Variants in EPS15 observed in about 807,000 individuals in gnomAD.
EPS15 encodes epidermal growth factor receptor pathway substrate 15, also known as epidermal growth factor receptor substrate 15.
In EPS15, 72 loss-of-function variants were observed where a neutral mutation model predicts 113.8. That is an observed-to-expected ratio of 0.63 (90% CI 0.52 to 0.77). The LOEUF (loss-of-function observed/expected upper bound fraction) is 0.77. EPS15 is among the 30% of genes least tolerant of loss of function. The pLI, the probability that EPS15 is intolerant of heterozygous loss-of-function variation, is 0.00. For missense variants in EPS15, 1,048 were observed against 1,045.8 expected (o/e 1.00, Z -0.03); for synonymous variants, 344 against 363.4 (o/e 0.95, Z 0.61).
chr1:51,366,882 C>A (rs191515735), intron 21 of EPS15, among the ~76,000 whole-genome samples: 5 of 152,244 alleles, frequency 3.3e-5, no homozygotes, highest in Non-Finnish European at 5.9e-5. Flanking sequence ...AATTGATCAC[C>A]TTTATTAGAT....
At chr1:51,469,389 A>G (rs1209115356) in intron 4 of EPS15, among the ~76,000 whole-genome samples, 1 of 152,214 alleles carries the variant, frequency 6.6e-6, no homozygotes, top group Non-Finnish European at 1.5e-5. Flanking sequence ...TAACGGTTTA[A>G]CTTCAAAATA....
chr1:51,470,807 A>G (rs1269117430), intron 4 of EPS15, among the ~76,000 whole-genome samples: 1 of 152,184 alleles, frequency 6.6e-6, no homozygotes, highest in Non-Finnish European at 1.5e-5. Context: ...GTAAAACCTT[A>G]AGACAGTGAC....
intron 6 of EPS15, among the ~76,000 whole-genome samples, chr1:51,464,071 G>A (rs1391639234): frequency 1.3e-5 from 2 of 151,902 alleles, no homozygotes; most frequent in Non-Finnish European, 2.9e-5. Context: ...CCAACTATTG[G>A]GTTAGAATCA....
intron 1 of EPS15, among the ~76,000 whole-genome samples, chr1:51,508,226 AAGAAAAGAAAAGAAAGAG>A (rs1557536259): frequency 5.3e-5 from 6 of 114,080 alleles, no homozygotes; most frequent in African/African-American, 1.7e-4. Context: ...AAGAAAAGAA[AAGAAAAGAAAAGAAAGAG>A]AGAAAGAGAG....
intron 1 of EPS15, 59 bp from the exon 2 acceptor site, chr1:51,481,373 T>C: frequency 2.5e-6 from 2 of 787,460 alleles, no homozygotes; most frequent in Non-Finnish European, 4.5e-6. Context: ...TTAACATATT[T>C]GGCATTCATT....
chr1:51,389,317 C>T (rs1216734697), intron 21 of EPS15, among the ~76,000 whole-genome samples: 2 of 152,150 alleles, frequency 1.3e-5, no homozygotes, highest in Non-Finnish European at 2.9e-5. Context: ...TGGGACGTAT[C>T]TCAAAATAAT....
chr1:51,416,941 G>A (rs1374944480), intron 13 of EPS15, among the ~76,000 whole-genome samples: 2 of 151,734 alleles, frequency 1.3e-5, no homozygotes, highest in Non-Finnish European at 2.9e-5. Flanking sequence ...TCTGATGGAA[G>A]TTTTAGGACT....
intron 2 of EPS15, among the ~76,000 whole-genome samples, chr1:51,480,360 A>G (rs1281949682): frequency 6.6e-6 from 1 of 152,222 alleles, no homozygotes; most frequent in African/African-American, 2.4e-5. Context: ...TGCACCCTTG[A>G]TGACTTTCTT....
intron 2 of EPS15, among the ~76,000 whole-genome samples, chr1:51,480,173 T>C (rs985391960): frequency 1.3e-4 from 20 of 152,254 alleles, no homozygotes; most frequent in African/African-American, 4.8e-4. Context: ...AGGCCTATAA[T>C]GTTTAATTAA....
At chr1:51,383,114 G>A (rs1010335466) in intron 21 of EPS15, among the ~76,000 whole-genome samples, 7 of 152,170 alleles carry the variant, frequency 4.6e-5, no homozygotes, top group Admixed American at 4.6e-4. Context: ...TTAACAGAAT[G>A]AGGGGAAAAA....
At chr1:51,430,985 C>T (rs1466932984) in intron 12 of EPS15, among the ~76,000 whole-genome samples, 3 of 115,906 alleles carry the variant, frequency 2.6e-5, no homozygotes, top group African/African-American at 8.8e-5. Flanking sequence ...CATACACACA[C>T]ACACACACAC....
intron 1 of EPS15, among the ~76,000 whole-genome samples, chr1:51,498,021 T>C (rs1209803722): frequency 1.3e-5 from 2 of 150,788 alleles, no homozygotes; most frequent in East Asian, 3.9e-4. Flanking sequence ...ATAAAGGTGA[T>C]AGATTCAAAT....
chr1:51,424,842 G>A (rs1251688310), intron 12 of EPS15, among the ~76,000 whole-genome samples: 1 of 152,114 alleles, frequency 6.6e-6, no homozygotes, highest in Admixed American at 6.5e-5. Context: ...GGCGGAAGCT[G>A]CAGTGAGCAG....
intron 8 of EPS15, among the ~76,000 whole-genome samples, chr1:51,454,173 GCTC>G: frequency 6.6e-6 from 1 of 151,740 alleles, no homozygotes; most frequent in African/African-American, 2.4e-5. Flanking sequence ...CACAAAAACA[GCTC>G]CTCTATACAT....
intron 1 of EPS15, among the ~76,000 whole-genome samples, chr1:51,508,205 A>C (rs1160800292): frequency 9.9e-6 from 1 of 101,130 alleles, no homozygotes; most frequent in Admixed American, 1.0e-4. Context: ...AAAGAAAAGA[A>C]AAGAAAAGAA....
At chr1:51,368,481 TG>T (rs1646559330) in intron 21 of EPS15, among the ~76,000 whole-genome samples, 2 of 152,210 alleles carry the variant, frequency 1.3e-5, no homozygotes, top group Admixed American at 1.3e-4. Context: ...CTATAAAAGA[TG>T]GCCTTTTCAT....
Position 51,372,827 on chromosome 1 carries a change from G to T in EPS15, c.2120-6798C>A. The stretch of plus-strand genomic sequence containing the variant: ...CTACAGTGGACAGTCTTTACCAGCT[G>T]ATCACAAAGAGGTCCATGGTTTGAG... On this transcript the variant is annotated intron_variant, in intron 21 of 24. Coordinates refer to ENST00000371733, the MANE Select transcript of EPS15 (RefSeq NM_001981.3). 5.8e-6 allele frequency: 3 copies of T among 515,898 alleles called. No individual in the cohort carries two copies. The South Asian group carries it at 6.1e-5, about 10-fold the overall frequency. 32.0% of individuals were successfully genotyped at this position (515,898 alleles called of 1,614,324 possible). A position where few individuals can be genotyped will look rare whatever the true frequency, so the allele number is the denominator to read the frequency against.
rs146553253 is a variant in EPS15, at chr1:51,454,858, G to A, written c.561+6233C>T. On this transcript the variant is annotated intron_variant, in intron 8 of 24. Transcript: ENST00000371733. ...TAATATGGTAAAAAGGGAAAACAGC[G>A]AAGGGGAATGGAAAACTGTGCTCTC... is the stretch of plus-strand genomic sequence containing the variant. Among the ~76,000 whole-genome samples, 402 of 151,892 alleles carry A rather than the reference G, an allele frequency of 2.6e-3. 1 individual carries two copies. Among genetic ancestry groups the A allele is most frequent in the African/African-American group, 9.2e-3 (382 of 41,400 alleles).
At chr1:51,440,046 G>A (rs1652461928) in intron 12 of EPS15, among the ~76,000 whole-genome samples, 1 of 152,016 alleles carries the variant, frequency 6.6e-6, no homozygotes, top group Non-Finnish European at 1.5e-5. Context: ...AAATCAAACA[G>A]TACCTTATAG....
Sources: gnomAD v4.1 joint callset for allele counts (sites outside exome capture counted in the v4.1 genomes callset) on GRCh38, gnomAD v4.1.1 for gene constraint, MANE v1.5 for transcripts, NCBI Gene and HGNC (gene_info 2026-07-23, HGNC 2026-07-21) for gene names.